Variants in LAMA4 observed in about 807,000 individuals in gnomAD.
LAMA4 encodes the protein laminin subunit alpha 4, also known as laminin subunit alpha-4.
A neutral mutation model predicts 207.1 loss-of-function variants in LAMA4; 127 were observed. That is an observed-to-expected ratio of 0.61 (90% CI 0.53 to 0.71). The LOEUF (loss-of-function observed/expected upper bound fraction) is 0.71, where lower values mean the gene tolerates loss of function less well. LAMA4 is among the 30% of genes least tolerant of loss of function. LAMA4 has a pLI of 0.00. For missense variants in LAMA4, 2,093 were observed against 2,246.5 expected, an observed-to-expected ratio of 0.93 and a Z score of 1.38; for synonymous variants, 761 against 816.0, an observed-to-expected ratio of 0.93 and a Z score of 1.15.
intron 5 of LAMA4, among the ~76,000 whole-genome samples, chr6:112,197,256 G>A (rs1286832662): frequency 6.6e-6 from 1 of 152,188 alleles, no homozygotes; most frequent in Non-Finnish European, 1.5e-5. Flanking sequence ...AAAGTGTGAG[G>A]TGGGAGAAGG....
chr6:112,164,903 T>C (rs541544669), intron 13 of LAMA4, among the ~76,000 whole-genome samples: 1 of 152,346 alleles, frequency 6.6e-6, no homozygotes, highest in South Asian at 2.1e-4. Context: ...GCTATGTGGC[T>C]GCTGAGGACT....
At chr6:112,187,688 T>C (rs1207255176) in intron 7 of LAMA4, 87 bp from the exon 8 acceptor site, 16 of 1,273,974 alleles carry the variant, frequency 1.3e-5, no homozygotes, top group Non-Finnish European at 1.7e-5. Context: ...TCTATTTCCT[T>C]GGTTAATACC....
intron 13 of LAMA4, among the ~76,000 whole-genome samples, chr6:112,163,776 T>C (rs1781224734): frequency 6.6e-6 from 1 of 152,206 alleles, no homozygotes; most frequent in Admixed American, 6.5e-5. Context: ...AGGGCTTTTT[T>C]CTTTTTGATA....
At chr6:112,241,071 A>G (rs1348513956) in intron 2 of LAMA4, among the ~76,000 whole-genome samples, 4 of 146,700 alleles carry the variant, frequency 2.7e-5, no homozygotes, top group Non-Finnish European at 6.0e-5. Context: ...TTGAAAAACC[A>G]ATGCTCAGCA....
intron 12 of LAMA4, 110 bp downstream of exon 12, chr6:112,172,501 A>G: frequency 4.3e-6 from 4 of 939,626 alleles, no homozygotes; most frequent in Middle Eastern, 3.3e-4. Flanking sequence ...TTTAAAATAT[A>G]AGTATTTAAC....
chr6:112,169,529 A>C (rs1583784141), intron 12 of LAMA4, among the ~76,000 whole-genome samples: 1 of 152,196 alleles, frequency 6.6e-6, no homozygotes, highest in South Asian at 2.1e-4. Context: ...GATTGGGTGA[A>C]GTCACTGAGG....
rs781871102 is a variant in LAMA4 at position 112,107,966 on chromosome 6, T to C, written c.*1471A>G. ...AATAATTAACTTTAGCTTATCATGGTGGCTGGCACTTAGTAAGTCCTCTAT... is the reference window on the plus strand; with the variant it reads ...AATAATTAACTTTAGCTTATCATGGCGGCTGGCACTTAGTAAGTCCTCTAT... On this transcript the variant is annotated 3_prime_UTR_variant, in exon 39 of 39. Coordinates refer to ENST00000230538, the MANE Select transcript of LAMA4 (RefSeq NM_001105206.3). 1.3e-5 allele frequency among the ~76,000 whole-genome samples: 2 copies of C among 152,226 alleles called. No homozygotes were observed. The highest frequency in any genetic ancestry group is 2.4e-5 in the African/African-American group (1 of 41,470).
Position 112,194,249 on chromosome 6 carries a change from A to G in LAMA4, c.504-2399T>C, listed in dbSNP as rs115574355. ...AATGAGACTCAGATCTACCAGCTCA[A>G]TGTGTGGCTGGGAATCTTAAGGTCT... is the stretch of plus-strand genomic sequence containing the variant. On this transcript the variant is annotated intron_variant, in intron 5 of 38. Transcript: ENST00000230538. Among the ~76,000 whole-genome samples, 707 of 152,332 alleles carry G rather than the reference A, an allele frequency of 4.6e-3. 3 individuals are homozygous for G. Among genetic ancestry groups the G allele is most frequent in the African/African-American group, 0.016 (679 of 41,574 alleles).
intron 4 of LAMA4, among the ~76,000 whole-genome samples, chr6:112,204,700 T>C (rs1783957902): frequency 6.6e-6 from 1 of 152,208 alleles, no homozygotes; most frequent in Non-Finnish European, 1.5e-5. Context: ...TGAAAAAGTA[T>C]ACCAAGACGG....
Position 112,158,755 on chromosome 6 carries a change from T to C in LAMA4, c.1794A>G (p.Gln598=). The C allele has an allele frequency of 3.1e-6, 5 of 1,613,894 alleles. No homozygotes were observed. Among genetic ancestry groups the C allele is most frequent in the Non-Finnish European group, 4.2e-6 (5 of 1,179,808 alleles). ...QEAIDHAQDL[Q]QEANELSRKL... ...ACCTGCTCAATTCATTAGCTTCTTG[T>C]TGAAGGTCCTGTGCATGGTCAATAG... Residue 598 remains glutamine (Q), a synonymous_variant, in exon 14 of 39, where the codon CAA becomes CAG. Coordinates refer to ENST00000230538, the MANE Select transcript of LAMA4 (RefSeq NM_001105206.3).
At chr6:112,159,839 G>T (rs1186830611) in intron 13 of LAMA4, among the ~76,000 whole-genome samples, 1 of 152,060 alleles carries the variant, frequency 6.6e-6, no homozygotes, top group Non-Finnish European at 1.5e-5. Context: ...GGTAAATTTG[G>T]GAAGAATAAC....
chr6:112,121,998 T>C lies in LAMA4; in HGVS notation c.4475+16A>G. Reference sequence around the variant, plus strand: ...CCATGTCATTAGGAGTCTAGGAGTATAGTGTGTTACTTTACTTGGCACCAA... The same window carrying C: ...CCATGTCATTAGGAGTCTAGGAGTACAGTGTGTTACTTTACTTGGCACCAA... On this transcript the variant is annotated intron_variant, in intron 32 of 38. Transcript: ENST00000230538. 1.9e-6 allele frequency: 3 copies of C among 1,603,780 alleles called. No individual in the cohort carries two copies. Among genetic ancestry groups the C allele is most frequent in the African/African-American group, 2.7e-5 (2 of 74,786 alleles).
chr6:112,178,005 G>C (rs782557636), intron 10 of LAMA4, 116 bp downstream of exon 10: 65 of 785,086 alleles, frequency 8.3e-5, no homozygotes, highest in Non-Finnish European at 1.3e-4. Flanking sequence ...CTATAATACT[G>C]TACCAACAAG....
chr6:112,252,247 T>C (rs377366423), intron 2 of LAMA4, among the ~76,000 whole-genome samples: 22 of 152,228 alleles, frequency 1.4e-4, no homozygotes, highest in African/African-American at 5.1e-4. Context: ...TTGACCAAGG[T>C]CAAAGAGCTT....
At chr6:112,139,517 C>G (rs1267043800) in intron 23 of LAMA4, among the ~76,000 whole-genome samples, 2 of 152,160 alleles carry the variant, frequency 1.3e-5, no homozygotes, top group African/African-American at 4.8e-5. Flanking sequence ...CAGGGACACC[C>G]TAGTCTCTGG....
At position 112,228,576 on chromosome 6, in the gene LAMA4, G is replaced by A. The variant is rs9320401; in HGVS notation, c.196-12107C>T. ...AGGAATGGAGAGGCCATAAAAGCTA[G>A]AAACAGTAAAATTTGCAAAGATCTG... On this transcript the variant is annotated intron_variant, in intron 2 of 38. Transcript: ENST00000230538. Among the ~76,000 whole-genome samples the A allele has an allele frequency of 3.4e-3, 520 of 152,294 alleles. 3 individuals are homozygous for A. The highest frequency in any genetic ancestry group is 0.012 in the African/African-American group (501 of 41,570).
chr6:112,134,512 G>A lies in LAMA4; in HGVS notation c.3512C>T (p.Thr1171Ile). ...MDNEKMKIPFTDIYIGGAPPE... is the reference protein window; with the variant it reads ...MDNEKMKIPFIDIYIGGAPPE... ...AGGAGCTCCTCCAATGTATATATCT[G>A]TAAAAGGTATTTTCATCTTTTCATT... The change falls in exon 26 of 39, where the codon ACA (threonine) becomes ATA (isoleucine). Residue 1171 changes from threonine to isoleucine, a missense_variant. Physicochemically the swap from Thr to Ile is moderately conservative, Grantham distance 89. Coordinates refer to ENST00000230538, the MANE Select transcript of LAMA4 (RefSeq NM_001105206.3). 1 of 1,613,020 alleles carries A rather than the reference G, an allele frequency of 6.2e-7. No individual in the cohort carries two copies. The highest frequency in any genetic ancestry group is 2.2e-5 in the East Asian group (1 of 44,848).
rs1778175406 is a variant in LAMA4, at chr6:112,118,755, T to C, written c.4821+401A>G. Among the ~76,000 whole-genome samples the C allele has an allele frequency of 6.7e-6, 1 of 149,764 alleles. No homozygotes were observed. The highest frequency in any genetic ancestry group is 2.1e-4 in the South Asian group (1 of 4,774). The stretch of plus-strand genomic sequence containing the variant: ...TGTGTGTGTGTGTGTGTAAGAAAAA[T>C]GGGATTGTAGTTTGCATAATGACCT... On this transcript the variant is annotated intron_variant, in intron 34 of 38. Transcript: ENST00000230538. The surrounding 1 kb of genome is among the most constrained non-coding windows in gnomAD (Gnocchi z 4.6).
chr6:112,161,234 T>C (rs1781033950), intron 13 of LAMA4, among the ~76,000 whole-genome samples: 1 of 152,232 alleles, frequency 6.6e-6, no homozygotes, highest in Non-Finnish European at 1.5e-5. Flanking sequence ...CCATGTGTTT[T>C]TATTATTCAT....
Sources: gnomAD v4.1 joint callset for allele counts (sites outside exome capture counted in the v4.1 genomes callset) on GRCh38, gnomAD v4.1.1 for gene constraint, Gnocchi (gnomAD v3.1) non-coding constraint, MANE v1.5 for transcripts, NCBI Gene and HGNC (gene_info 2026-07-23, HGNC 2026-07-21) for gene names.